The following PTPRT variants were observed in gnomAD, a reference collection of about 807,000 sequenced individuals.
PTPRT encodes protein tyrosine phosphatase receptor type T.
A neutral mutation model predicts 176.8 loss-of-function variants in PTPRT; 56 were observed. That is an observed-to-expected ratio of 0.32 (90% CI 0.26 to 0.40). The LOEUF (loss-of-function observed/expected upper bound fraction) is 0.40. Ranked by LOEUF, PTPRT falls within the 10% of genes least tolerant of loss-of-function variation. The pLI, the probability that PTPRT is intolerant of heterozygous loss-of-function variation, is 1.00. For missense variants in PTPRT, 1,540 were observed against 1,908.2 expected (o/e 0.81, Z 3.60); for synonymous variants, 783 against 739.0 (o/e 1.06, Z -0.96).
At chr20:42,088,239 G>A (rs1266017406) in intron 27 of PTPRT, among the ~76,000 whole-genome samples, 1 of 152,160 alleles carries the variant, frequency 6.6e-6, no homozygotes, top group Non-Finnish European at 1.5e-5. Flanking sequence ...ACCCACCGAG[G>A]CTTCTGAGAG....
At chr20:42,681,931 A>G (rs541080900) in intron 6 of PTPRT, among the ~76,000 whole-genome samples, 7 of 152,358 alleles carry the variant, frequency 4.6e-5, no homozygotes, top group Non-Finnish European at 7.4e-5. Flanking sequence ...AAAGAAAAAT[A>G]AAAGAATGCA....
chr20:42,815,797 C>T (rs1239827661), intron 2 of PTPRT, among the ~76,000 whole-genome samples: 1 of 152,216 alleles, frequency 6.6e-6, no homozygotes, highest in African/African-American at 2.4e-5. Flanking sequence ...GAAATGTCAC[C>T]ATAACTTCAA....
At chr20:42,565,059 C>T (rs207477584) in intron 7 of PTPRT, among the ~76,000 whole-genome samples, 3 of 152,026 alleles carry the variant, frequency 2.0e-5, no homozygotes, top group Admixed American at 6.6e-5. Context: ...GCAATTAGTG[C>T]CCTGGTGTTC....
intron 7 of PTPRT, among the ~76,000 whole-genome samples, chr20:42,596,743 A>G (rs1278033693): frequency 1.3e-5 from 2 of 152,238 alleles, no homozygotes; most frequent in Non-Finnish European, 2.9e-5. Context: ...GAAATGTGCA[A>G]CCTTACTTCT....
chr20:42,352,373 C>T (rs543044109), intron 9 of PTPRT, 88 bp from the exon 10 acceptor site: 51 of 1,335,638 alleles, frequency 3.8e-5, no homozygotes, highest in Admixed American at 1.2e-4. Context: ...CTTAGGGAGG[C>T]GGGGGAAGGG....
chr20:42,499,810 T>C (rs1457026271), intron 7 of PTPRT, among the ~76,000 whole-genome samples: 1 of 152,198 alleles, frequency 6.6e-6, no homozygotes, highest in East Asian at 1.9e-4. Context: ...ATGCTTTCAG[T>C]TCAAACCTAC....
chr20:42,923,706 G>T (rs934889440), intron 1 of PTPRT, among the ~76,000 whole-genome samples: 46 of 152,242 alleles, frequency 3.0e-4, no homozygotes, highest in African/African-American at 9.4e-4. Flanking sequence ...CCTGGCACCA[G>T]TCCCAGGTAC....
At chr20:42,787,033 A>G (rs1303220018) in intron 3 of PTPRT, among the ~76,000 whole-genome samples, 3 of 152,234 alleles carry the variant, frequency 2.0e-5, no homozygotes, top group South Asian at 2.1e-4. Context: ...CCATTCATTT[A>G]CATATTATCT....
intron 11 of PTPRT, among the ~76,000 whole-genome samples, chr20:42,335,586 A>G (rs1463327066): frequency 1.3e-5 from 2 of 152,218 alleles, no homozygotes; most frequent in East Asian, 3.8e-4. Flanking sequence ...AAATTCAAAG[A>G]ACAGTAAGTA....
At chr20:42,896,734 C>T (rs1448750170) in intron 1 of PTPRT, among the ~76,000 whole-genome samples, 1 of 152,006 alleles carries the variant, frequency 6.6e-6, no homozygotes, top group Non-Finnish European at 1.5e-5. Flanking sequence ...CTGTATGACT[C>T]AGTGCCCTTG....
intron 16 of PTPRT, among the ~76,000 whole-genome samples, chr20:42,181,529 C>A (rs1049458001): frequency 6.6e-6 from 1 of 152,186 alleles, no homozygotes; most frequent in African/African-American, 2.4e-5. Context: ...CTCCCTCAAC[C>A]TTCCTCTATG....
intron 1 of PTPRT, among the ~76,000 whole-genome samples, chr20:42,908,590 C>T (rs1406212700): frequency 6.6e-6 from 1 of 152,116 alleles, no homozygotes. Flanking sequence ...TCAGTGTCCC[C>T]TCTAGCAGGT....
intron 7 of PTPRT, among the ~76,000 whole-genome samples, chr20:42,600,891 A>G (rs759554032): frequency 3.7e-4 from 57 of 152,174 alleles, no homozygotes; most frequent in Non-Finnish European, 3.4e-4. Context: ...TGATTTTGCT[A>G]TTGTGAATAA....
chr20:42,676,384 C>T (rs2146056886), intron 7 of PTPRT, among the ~76,000 whole-genome samples: 1 of 152,254 alleles, frequency 6.6e-6, no homozygotes, highest in Admixed American at 6.5e-5. Flanking sequence ...TATGCACTTT[C>T]CCTTGCTGTT....
chr20:42,988,953 C>T (rs946692891), intron 1 of PTPRT, among the ~76,000 whole-genome samples: 2 of 152,216 alleles, frequency 1.3e-5, no homozygotes, highest in African/African-American at 2.4e-5. Flanking sequence ...ATCCCTAATG[C>T]TTGCATCATC....
intron 16 of PTPRT, among the ~76,000 whole-genome samples, chr20:42,197,812 G>T (rs1301818549): frequency 6.6e-6 from 1 of 152,060 alleles, no homozygotes; most frequent in Non-Finnish European, 1.5e-5. Flanking sequence ...GGTAGCAGTT[G>T]GTGAATCTAG....
At chr20:42,617,268 C>T (rs2074099746) in intron 7 of PTPRT, among the ~76,000 whole-genome samples, 1 of 136,496 alleles carries the variant, frequency 7.3e-6, no homozygotes, top group South Asian at 2.3e-4. Context: ...TTGAACCAGC[C>T]TTGCATCCCA....
intron 1 of PTPRT, among the ~76,000 whole-genome samples, chr20:43,182,832 C>T (rs1214904850): frequency 7.0e-6 from 1 of 142,044 alleles, no homozygotes; most frequent in African/African-American, 2.6e-5. Context: ...AAACCAAAGG[C>T]GCAAAAAAAA....
intron 1 of PTPRT, among the ~76,000 whole-genome samples, chr20:43,152,925 C>T (rs560168304): frequency 9.0e-4 from 137 of 151,844 alleles, no homozygotes; most frequent in Non-Finnish European, 7.2e-4. Flanking sequence ...AAATACTTCC[C>T]AATTTTTTTT....
Sources: allele counts gnomAD v4.1 joint callset (sites outside exome capture counted in the v4.1 genomes callset), GRCh38; gene constraint gnomAD v4.1.1; transcripts MANE v1.5; gene names NCBI Gene and HGNC (gene_info 2026-07-23, HGNC 2026-07-21).